Variants in NRG1 observed in about 807,000 individuals in gnomAD.
NRG1 encodes the protein pro-neuregulin-1, membrane-bound isoform.
Under a neutral mutation model 63.8 loss-of-function variants are expected in NRG1, and 18 were observed. The observed-to-expected ratio is 0.28, with a 90% CI of 0.19 to 0.42. The LOEUF (loss-of-function observed/expected upper bound fraction) is 0.42. Among genes scored for constraint, NRG1 ranks in the 10% least tolerant of loss-of-function variants. The pLI is 1.00. For missense variants in NRG1, 762 were observed against 814.7 expected (o/e 0.94, Z 0.79); for synonymous variants, 302 against 301.3 (o/e 1.00, Z -0.02).
chr8:31,744,890 T>C (rs1437140438), intron 1 of NRG1, among the ~76,000 whole-genome samples: 1 of 151,992 alleles, frequency 6.6e-6, no homozygotes, highest in Admixed American at 6.6e-5. Context: ...TTTCTGGCAG[T>C]GTGACATCAT....
intron 1 of NRG1, among the ~76,000 whole-genome samples, chr8:32,307,992 C>G (rs955322481): frequency 6.6e-6 from 1 of 152,138 alleles, no homozygotes; most frequent in East Asian, 1.9e-4. Context: ...CAGTGAACTC[C>G]GACCACGCTG....
At chr8:31,913,447 G>C (rs781291429) in intron 1 of NRG1, among the ~76,000 whole-genome samples, 9 of 152,130 alleles carry the variant, frequency 5.9e-5, no homozygotes, top group Non-Finnish European at 1.2e-4. Context: ...CAAATGAGGA[G>C]ATTGCTTAGA....
At chr8:31,798,350 C>G (rs1821437349) in intron 1 of NRG1, among the ~76,000 whole-genome samples, 1 of 152,102 alleles carries the variant, frequency 6.6e-6, no homozygotes, top group Non-Finnish European at 1.5e-5. Context: ...TATCATGTGT[C>G]AACTAAAAAT....
chr8:32,738,771 T>C (rs1339029104), intron 6 of NRG1, among the ~76,000 whole-genome samples: 1 of 152,236 alleles, frequency 6.6e-6, no homozygotes, highest in East Asian at 1.9e-4. Context: ...AGTTTGCATA[T>C]GCAGAAACTA....
intron 1 of NRG1, among the ~76,000 whole-genome samples, chr8:32,423,885 C>G (rs1357727732): frequency 6.6e-6 from 1 of 152,038 alleles, no homozygotes; most frequent in Non-Finnish European, 1.5e-5. Context: ...AGTTTGGAAC[C>G]CTGCCATAAC....
chr8:32,625,171 A>G (rs1849001765), intron 5 of NRG1, among the ~76,000 whole-genome samples: 1 of 152,246 alleles, frequency 6.6e-6, no homozygotes. Flanking sequence ...CAAGCTGTGA[A>G]TACTTAATTC....
Position 31,879,477 on chromosome 8 carries a change from A to G in NRG1, c.37+240046A>G, listed in dbSNP as rs192934413. Among the ~76,000 whole-genome samples the G allele has an allele frequency of 1.8e-3, 270 of 152,324 alleles. 1 individual carries two copies. In the Middle Eastern group the frequency reaches 0.024, roughly 13 times the overall value. ...TCTGCCACTCAAGATCTTTCCATCC[A>G]GGTGATCCAGCTAGTTCTCAGGCCC... On this transcript the variant is annotated intron_variant, in intron 1 of 10. Transcript: ENST00000519301.
intron 1 of NRG1, among the ~76,000 whole-genome samples, chr8:31,680,097 T>C (rs1254642522): frequency 6.6e-6 from 1 of 152,134 alleles, no homozygotes; most frequent in African/African-American, 2.4e-5. Context: ...AAAATACCAA[T>C]CTACAAAAGA....
intron 1 of NRG1, among the ~76,000 whole-genome samples, chr8:32,214,562 G>C (rs1336396702): frequency 1.3e-5 from 2 of 152,090 alleles, no homozygotes; most frequent in African/African-American, 4.8e-5. Flanking sequence ...AGGATCACTT[G>C]ATCCCAGGGG....
intron 1 of NRG1, among the ~76,000 whole-genome samples, chr8:31,866,455 G>A (rs115960882): frequency 0.039 from 5,995 of 152,116 alleles, 419 homozygotes; most frequent in African/African-American, 0.14. Flanking sequence ...CAGCTTGGGG[G>A]CAAAGAAGAG....
chr8:31,836,539 C>A (rs1396482658), intron 1 of NRG1, among the ~76,000 whole-genome samples: 1 of 152,010 alleles, frequency 6.6e-6, no homozygotes, highest in Non-Finnish European at 1.5e-5. Context: ...TCTTTTTAAA[C>A]AACTGGTAGG....
At chr8:32,761,257 T>C (rs957008032) in intron 11 of NRG1, among the ~76,000 whole-genome samples, 1 of 152,256 alleles carries the variant, frequency 6.6e-6, no homozygotes, top group Non-Finnish European at 1.5e-5. Context: ...TCCTATTTGT[T>C]TGCAAGTCTG....
intron 1 of NRG1, among the ~76,000 whole-genome samples, chr8:32,166,816 A>T (rs1563861836): frequency 6.6e-6 from 1 of 152,200 alleles, no homozygotes; most frequent in Non-Finnish European, 1.5e-5. Context: ...CATTAAAATC[A>T]TAGCCAGTTT....
intron 1 of NRG1, among the ~76,000 whole-genome samples, chr8:32,432,421 A>G (rs1476982155): frequency 6.6e-6 from 1 of 152,158 alleles, no homozygotes; most frequent in Non-Finnish European, 1.5e-5. Context: ...TTTGCCCAAG[A>G]CCACATAATC....
At chr8:32,213,792 A>G (rs3847130) in intron 1 of NRG1, among the ~76,000 whole-genome samples, 123,070 of 152,002 alleles carry the variant, frequency 0.81, 50,530 homozygotes, top group African/African-American at 0.92. Context: ...TGACAAAGAC[A>G]GCTTAACAAG....
chr8:32,045,898 G>A (rs1271608610), intron 1 of NRG1, among the ~76,000 whole-genome samples: 1 of 151,824 alleles, frequency 6.6e-6, no homozygotes, highest in Non-Finnish European at 1.5e-5. Context: ...GTGAGTTTGG[G>A]CATATCTAAG....
intron 1 of NRG1, among the ~76,000 whole-genome samples, chr8:32,476,293 A>G (rs10110849): frequency 0.62 from 94,566 of 152,116 alleles, 29,655 homozygotes; most frequent in East Asian, 0.8. Context: ...CTGGTCATAT[A>G]TGAAAGGGAT....
intron 1 of NRG1, among the ~76,000 whole-genome samples, chr8:31,956,845 A>T (rs936425802): frequency 2.0e-5 from 3 of 152,214 alleles, no homozygotes; most frequent in African/African-American, 7.2e-5. Flanking sequence ...TGGATAAAAG[A>T]TGTATAATAA....
At chr8:32,142,187 G>T (rs1170305451) in intron 1 of NRG1, among the ~76,000 whole-genome samples, 2 of 152,110 alleles carry the variant, frequency 1.3e-5, no homozygotes, top group Admixed American at 1.3e-4. Flanking sequence ...GTATCTGGTG[G>T]GTCTCTTCAG....
Sources: gnomAD v4.1 joint callset for allele counts (sites outside exome capture counted in the v4.1 genomes callset) on GRCh38, gnomAD v4.1.1 for gene constraint, MANE v1.5 for transcripts, NCBI Gene and HGNC (gene_info 2026-07-23, HGNC 2026-07-21) for gene names.